The following ZNF280D variants were observed in gnomAD, a reference collection of about 807,000 sequenced individuals.
ZNF280D encodes suppressor of hairy wing homolog 4.
In ZNF280D, 39 loss-of-function variants were observed where a neutral mutation model predicts 94.7. That is an observed-to-expected ratio of 0.41 (90% CI 0.32 to 0.54). The LOEUF (loss-of-function observed/expected upper bound fraction) is 0.54, where lower values mean the gene tolerates loss of function less well. Among genes scored for constraint, ZNF280D ranks in the 20% least tolerant of loss-of-function variants. ZNF280D has a pLI of 0.22. For missense variants in ZNF280D, 1,090 were observed against 1,149.3 expected (o/e 0.95, Z 0.75); for synonymous variants, 398 against 377.6 (o/e 1.05, Z -0.63).
At position 56,687,415 on chromosome 15, in the gene ZNF280D, T is replaced by C. The variant is rs1253103680; in HGVS notation, c.780+1626A>G. Among the ~76,000 whole-genome samples, 3 of 152,116 alleles carry C rather than the reference T, an allele frequency of 2.0e-5. No homozygotes were observed. The East Asian group carries it at 5.8e-4, about 29-fold the overall frequency. On this transcript the variant is annotated intron_variant, in intron 9 of 21. Transcript: ENST00000267807. The stretch of plus-strand genomic sequence containing the variant: ...TCCAGATGCAGAGATATATATAACA[T>C]GCCACAATTTCTGTACAAAATAGAA...
intron 17 of ZNF280D, among the ~76,000 whole-genome samples, chr15:56,655,514 T>C (rs528927498): frequency 1.3e-4 from 20 of 152,338 alleles, no homozygotes; most frequent in African/African-American, 4.8e-4. Context: ...CTGAGTGCTG[T>C]AGTTCTTAAA....
Position 56,669,939 on chromosome 15 carries a change from T to C in ZNF280D, c.1411-982A>G, listed in dbSNP as rs1232314850. Among the ~76,000 whole-genome samples the C allele has an allele frequency of 5.6e-3, 24 of 4,324 alleles. 8 individuals are homozygous for C. The highest frequency in any genetic ancestry group is 4.9e-3 in the African/African-American group (4 of 820). The allele number at this position is 4,324 out of a possible 152,430, so 2.8% of individuals were successfully genotyped here. A position where few individuals can be genotyped will look rare whatever the true frequency, so the allele number is the denominator to read the frequency against. On this transcript the variant is annotated intron_variant, in intron 13 of 21. Coordinates refer to ENST00000267807, the MANE Select transcript of ZNF280D (RefSeq NM_017661.4). Reference sequence around the variant, plus strand: ...TTATATATATATTATATATATATTATATATATATATTATATATATATATTA... The same window carrying C: ...TTATATATATATTATATATATATTACATATATATATTATATATATATATTA...
intron 13 of ZNF280D, among the ~76,000 whole-genome samples, 172 bp from the exon 14 acceptor site, chr15:56,669,129 T>A (rs1180376218): frequency 6.6e-6 from 1 of 152,042 alleles, no homozygotes; most frequent in Non-Finnish European, 1.5e-5. Context: ...GTCATTACAT[T>A]AGTATTTGGG....
intron 6 of ZNF280D, among the ~76,000 whole-genome samples, chr15:56,694,092 G>A (rs1402073031): frequency 6.6e-6 from 1 of 152,100 alleles, no homozygotes; most frequent in Non-Finnish European, 1.5e-5. Context: ...TCCATCAGGA[G>A]AAAGGGTGGT....
At chr15:56,683,127 G>C (rs2055748592) in intron 9 of ZNF280D, among the ~76,000 whole-genome samples, 1 of 151,950 alleles carries the variant, frequency 6.6e-6, no homozygotes, top group African/African-American at 2.4e-5. Context: ...CAGAAAAGTA[G>C]GATAGGATCA....
chr15:56,653,977 GA>G, intron 19 of ZNF280D: 1 of 1,408,098 alleles, frequency 7.1e-7, no homozygotes, highest in South Asian at 1.8e-5. Flanking sequence ...CTTTGTGTAA[GA>G]AAACATCTCA....
chr15:56,651,351 A>C (rs1296331656), intron 19 of ZNF280D, among the ~76,000 whole-genome samples: 1 of 152,234 alleles, frequency 6.6e-6, no homozygotes, highest in East Asian at 1.9e-4. Context: ...AAACTAGAAT[A>C]AAATGATGGT....
chr15:56,637,224 C>T (rs4774882), intron 20 of ZNF280D, among the ~76,000 whole-genome samples: 149,994 of 151,660 alleles, frequency 0.99, 74,198 homozygotes, highest in Middle Eastern at 1. Flanking sequence ...AAGGCTGGAA[C>T]GTAGTGGCAT....
intron 19 of ZNF280D, among the ~76,000 whole-genome samples, chr15:56,644,044 C>G (rs1054711964): frequency 6.6e-6 from 1 of 151,926 alleles, no homozygotes; most frequent in Non-Finnish European, 1.5e-5. Context: ...AATGTTTATA[C>G]TTTGTTAAAC....
chr15:56,700,426 T>C (rs942709744), intron 6 of ZNF280D: 49 of 757,442 alleles, frequency 6.5e-5, no homozygotes, highest in Non-Finnish European at 7.5e-5. Flanking sequence ...TTATACATAT[T>C]AACAGCTCAA....
At chr15:56,720,699 T>C (rs967202180) in intron 1 of ZNF280D, among the ~76,000 whole-genome samples, 4 of 152,302 alleles carry the variant, frequency 2.6e-5, no homozygotes. Flanking sequence ...GGCAGCAGAA[T>C]GGATGTTGTG....
intron 6 of ZNF280D, among the ~76,000 whole-genome samples, chr15:56,694,614 C>A (rs2056636744): frequency 6.6e-6 from 1 of 152,096 alleles, no homozygotes; most frequent in African/African-American, 2.4e-5. Flanking sequence ...ACAACAGCAA[C>A]ATTTAACTAA....
chr15:56,648,598 T>C (rs2053032624), intron 19 of ZNF280D, among the ~76,000 whole-genome samples: 1 of 152,096 alleles, frequency 6.6e-6, no homozygotes, highest in Admixed American at 6.6e-5. Context: ...TTAACAGGTA[T>C]GTGCGACCTT....
chr15:56,691,930 C>A (rs1176643315), intron 7 of ZNF280D, among the ~76,000 whole-genome samples: 1 of 151,932 alleles, frequency 6.6e-6, no homozygotes, highest in Non-Finnish European at 1.5e-5. Flanking sequence ...ATGAGAAAAC[C>A]AAAGTGGTTA....
chr15:56,661,130 A>T (rs2140783920), intron 16 of ZNF280D, among the ~76,000 whole-genome samples: 1 of 152,348 alleles, frequency 6.6e-6, no homozygotes, highest in Middle Eastern at 3.4e-3. Context: ...GCTGCAAGAC[A>T]GATGGGGTAG....
intron 16 of ZNF280D, among the ~76,000 whole-genome samples, chr15:56,661,656 G>T (rs1274894432): frequency 3.9e-5 from 6 of 151,926 alleles, no homozygotes; most frequent in Admixed American, 3.9e-4. Context: ...CTTATTTCTT[G>T]TTTAAAGATT....
chr15:56,640,536 ATGCCAAAAACAGTATTATTTTATTCTCC>A (rs2052579096), intron 20 of ZNF280D, among the ~76,000 whole-genome samples: 2 of 152,184 alleles, frequency 1.3e-5, no homozygotes, highest in Admixed American at 6.6e-5. Context: ...GATTTTATTT[ATGCCAAAAACAGTATTATTTTATTCTCC>A]TGGCTAATGG....
At position 56,666,614 on chromosome 15, in the gene ZNF280D, TAACTA is replaced by T. The variant is rs1210076913; in HGVS notation, c.1853+60_1853+64del. ...AGGAAGAGCCTTAATAATGTTCTCT[TAACTA>T]AAGTATAAGTTTTTATACTTAAGTT... On this transcript the variant is annotated intron_variant, in intron 15 of 21. Transcript: ENST00000267807. The T allele has an allele frequency of 2.7e-5, 41 of 1,513,326 alleles. No individual in the cohort carries two copies. In the African/African-American group the frequency reaches 4.2e-4, roughly 15 times the overall value. The allele number at this position is 1,513,326 out of a possible 1,614,324, so 93.7% of individuals were successfully genotyped here. A position where few individuals can be genotyped will look rare whatever the true frequency, so the allele number is the denominator to read the frequency against.
At chr15:56,699,418 TCAG>T (rs2056929737) in intron 6 of ZNF280D, 1 of 827,400 alleles carries the variant, frequency 1.2e-6, no homozygotes, top group African/African-American at 1.8e-5. Flanking sequence ...TGCACATTTT[TCAG>T]CATCACTATA....
Sources: allele counts gnomAD v4.1 joint callset (sites outside exome capture counted in the v4.1 genomes callset), GRCh38; gene constraint gnomAD v4.1.1; transcripts MANE v1.5; gene names NCBI Gene and HGNC (gene_info 2026-07-23, HGNC 2026-07-21).